GK: variants seen among roughly 807,000 people sequenced by gnomAD.
GK encodes the protein glycerol kinase, also known as ATP:glycerol 3-phosphotransferase.
In GK, 9 loss-of-function variants were observed where a neutral mutation model predicts 56.4. The ratio of observed to expected loss-of-function variants is 0.16; its 90% CI spans 0.10 to 0.28. GK has a LOEUF of 0.28. Ranked by LOEUF, GK falls within the 10% of genes least tolerant of loss-of-function variation. The probability of loss-of-function intolerance (pLI) is 1.00; values close to 1 mark genes in which losing one functional copy is unlikely to be tolerated. For missense variants in GK, 161 were observed against 431.4 expected (o/e 0.37, Z 5.55); for synonymous variants, 104 against 144.1 (o/e 0.72, Z 1.99).
chrX:30,721,428 A>G (rs920531880), intron 18 of GK, among the ~76,000 whole-genome samples: 24 of 105,945 alleles, frequency 2.3e-4, no homozygotes, highest in Non-Finnish European at 4.6e-4. Flanking sequence ...AGTAGCTGGG[A>G]CAACAGGTGC....
At position 30,706,040 on chromosome X, in the gene GK, G is replaced by A. The variant is rs368782501; in HGVS notation, c.852-1516G>A. Among the ~76,000 whole-genome samples the A allele has an allele frequency of 5.4e-4, 61 of 111,977 alleles. No individual in the cohort carries two copies. In the South Asian group the frequency reaches 0.022, roughly 41 times the overall value. On this transcript the variant is annotated intron_variant, in intron 11 of 20. Coordinates refer to ENST00000427190, the MANE Select transcript of GK (RefSeq NM_001205019.2). Reference sequence around the variant, plus strand: ...ACAGTAGATTAACTTGAAACATGTAGCTTTTTCAGTGTGCGGCAATAAAAC... The same window carrying A: ...ACAGTAGATTAACTTGAAACATGTAACTTTTTCAGTGTGCGGCAATAAAAC...
intron 11 of GK, among the ~76,000 whole-genome samples, chrX:30,704,841 A>T (rs1388444011): frequency 1.8e-5 from 2 of 111,702 alleles, no homozygotes; most frequent in Admixed American, 9.5e-5. Flanking sequence ...AAGTGCTGGG[A>T]TTACAGGCGT....
At chrX:30,727,700 A>T in intron 20 of GK, 148 bp downstream of exon 20, 2 of 448,683 alleles carry the variant, frequency 4.5e-6, no homozygotes, top group Non-Finnish European at 7.7e-6. Context: ...AGACCAATTA[A>T]TCTTTGGGGG....
In GK at chrX:30,669,793, T is replaced by TA. The variant is rs776763208; in HGVS notation, c.259+1684dup. Among the ~76,000 whole-genome samples the TA allele has an allele frequency of 7.8e-4, 85 of 109,550 alleles. No individual in the cohort carries two copies. The South Asian group carries it at 0.015, about 19-fold the overall frequency. On this transcript the variant is annotated intron_variant, in intron 3 of 20. Coordinates refer to ENST00000427190, the MANE Select transcript of GK (RefSeq NM_001205019.2). The stretch of plus-strand genomic sequence containing the variant: ...CTATTTGTATAAATTAAAACTCACT[T>TA]AAAAAAAAAGACTACAAATCTATAG...
chrX:30,678,832 G>A (rs1227664865), intron 4 of GK, among the ~76,000 whole-genome samples: 1 of 102,458 alleles, frequency 9.8e-6, no homozygotes, highest in South Asian at 4.6e-4. Context: ...GATCACAGGC[G>A]CCCACCACCA....
At chrX:30,712,336 T>A (rs1178407641) in intron 13 of GK, among the ~76,000 whole-genome samples, 3 of 112,138 alleles carry the variant, frequency 2.7e-5, no homozygotes, top group Non-Finnish European at 3.8e-5. Context: ...CCATAGATTA[T>A]GTGTATCTTC....
intron 15 of GK, 44 bp from the exon 16 acceptor site, chrX:30,719,967 G>A (rs777784802): frequency 1.2e-6 from 1 of 847,913 alleles, no homozygotes; most frequent in South Asian, 2.0e-5. Context: ...CAAATTGATT[G>A]GTTTATATCA....
In GK at chrX:30,671,321, CTG is replaced by C. The variant is rs1391458123; in HGVS notation, c.259+3205_259+3206del. Among the ~76,000 whole-genome samples the C allele has an allele frequency of 3.9e-5, 4 of 102,305 alleles. No individual in the cohort carries two copies. In the Admixed American group the frequency reaches 4.2e-4, roughly 11 times the overall value. 88.8% of individuals were successfully genotyped at this position (102,305 alleles called of 115,157 possible). ...AAAAAAAAAAAAAAAAAAAACAACACTGTAAAGGATCTTCAGTCAACTAGACC... is the reference window on the plus strand; with the variant it reads ...AAAAAAAAAAAAAAAAAAAACAACACTAAAGGATCTTCAGTCAACTAGACC... On this transcript the variant is annotated intron_variant, in intron 3 of 20. Transcript: ENST00000427190.
At chrX:30,725,335 A>C (rs1286213978) in intron 19 of GK, among the ~76,000 whole-genome samples, 1 of 112,141 alleles carries the variant, frequency 8.9e-6, no homozygotes, top group Non-Finnish European at 1.9e-5. Context: ...GGATGTTCCT[A>C]TTTGAAGCTT....
chrX:30,702,288 C>T (rs113013990), intron 11 of GK, among the ~76,000 whole-genome samples: 2,319 of 111,646 alleles, frequency 0.021, 50 homozygotes, highest in African/African-American at 0.071. Context: ...GTGATCTGCC[C>T]GCCTTGGCCT....
intron 5 of GK, among the ~76,000 whole-genome samples, chrX:30,694,008 A>G (rs1458778380): frequency 8.9e-6 from 1 of 112,066 alleles, no homozygotes; most frequent in East Asian, 2.7e-4. Context: ...ATGATTTGGT[A>G]TACTCTCTGG....
At chrX:30,662,269 A>G (rs533088282) in intron 1 of GK, among the ~76,000 whole-genome samples, 15 of 112,549 alleles carry the variant, frequency 1.3e-4, no homozygotes, top group African/African-American at 3.9e-4. Context: ...TTAATTTCAT[A>G]TGTTTCTTTT....
At chrX:30,675,689 T>A (rs1023370278) in intron 3 of GK, among the ~76,000 whole-genome samples, 1 of 108,294 alleles carries the variant, frequency 9.2e-6, no homozygotes, top group Non-Finnish European at 1.9e-5. Context: ...AAATTTTTTT[T>A]TAGAAACAAG....
In GK at chrX:30,698,866, CA is replaced by C. The variant is rs386416832; in HGVS notation, c.747+1135del. Reference sequence around the variant, plus strand: ...GGGCAACAAGAGTGAAACTCCATCTCAAAAAAAAAAAAAAAAAAGAAAAGAA... The same window carrying C: ...GGGCAACAAGAGTGAAACTCCATCTCAAAAAAAAAAAAAAAAAGAAAAGAA... On this transcript the variant is annotated intron_variant, in intron 9 of 20. Transcript: ENST00000427190. Among the ~76,000 whole-genome samples the C allele has an allele frequency of 6.0e-3, 259 of 43,330 alleles. 1 individual carries two copies. The highest frequency in any genetic ancestry group is 8.2e-3 in the Non-Finnish European group (210 of 25,608). 37.6% of individuals were successfully genotyped at this position (43,330 alleles called of 115,157 possible).
intron 1 of GK, 152 bp downstream of exon 1, chrX:30,653,767 G>A (rs1049956216): frequency 1.1e-5 from 6 of 539,122 alleles, no homozygotes; most frequent in Non-Finnish European, 1.9e-5. Flanking sequence ...CTGCCACACT[G>A]GGGATGCCCC....
chrX:30,724,737 CT>C, intron 19 of GK: 1 of 201,262 alleles, frequency 5.0e-6, no homozygotes. Flanking sequence ...ACTATTCTAC[CT>C]TTCAGTCACT....
At chrX:30,673,703 G>A (rs746974625) in intron 3 of GK, among the ~76,000 whole-genome samples, 19 of 111,833 alleles carry the variant, frequency 1.7e-4, no homozygotes, top group Admixed American at 3.8e-4. Context: ...GGAGGAACCC[G>A]TGACTGAAGA....
At chrX:30,681,259 C>T (rs1053627155) in intron 4 of GK, among the ~76,000 whole-genome samples, 1 of 111,673 alleles carries the variant, frequency 9.0e-6, no homozygotes, top group Non-Finnish European at 1.9e-5. Flanking sequence ...ATAATCTTGG[C>T]AAAGAATTGG....
chrX:30,689,525 C>T (rs761208812), intron 4 of GK: 2 of 331,516 alleles, frequency 6.0e-6, no homozygotes, highest in South Asian at 2.6e-5. Flanking sequence ...CAGACAGTAT[C>T]ACCTGCATCC....
Sources: allele counts gnomAD v4.1 joint callset (sites outside exome capture counted in the v4.1 genomes callset), GRCh38; gene constraint gnomAD v4.1.1; transcripts MANE v1.5; gene names NCBI Gene and HGNC (gene_info 2026-07-23, HGNC 2026-07-21).